BAZ2B: variants seen among roughly 807,000 people sequenced by gnomAD.
BAZ2B encodes bromodomain adjacent to zinc finger domain protein 2B.
Under a neutral mutation model 246.0 loss-of-function variants are expected in BAZ2B, and 91 were observed. The ratio of observed to expected loss-of-function variants is 0.37; its 90% CI spans 0.31 to 0.44. The LOEUF (loss-of-function observed/expected upper bound fraction) is 0.44. Ranked by LOEUF, BAZ2B falls within the 20% of genes least tolerant of loss-of-function variation. The probability of loss-of-function intolerance (pLI) is 1.00; values close to 1 mark genes in which losing one functional copy is unlikely to be tolerated. For missense variants in BAZ2B, 2,332 were observed against 2,533.7 expected, an observed-to-expected ratio of 0.92 and a Z score of 1.71; for synonymous variants, 855 against 860.0, an observed-to-expected ratio of 0.99 and a Z score of 0.10.
At chr2:159,406,634 A>G (rs560573247) in intron 14 of BAZ2B, among the ~76,000 whole-genome samples, 2 of 152,364 alleles carry the variant, frequency 1.3e-5, no homozygotes, top group South Asian at 4.1e-4. Flanking sequence ...GCCACTGAAC[A>G]AAGAAACCTA....
intron 1 of BAZ2B, among the ~76,000 whole-genome samples, chr2:159,573,010 G>C (rs1216386608): frequency 1.3e-5 from 2 of 152,128 alleles, no homozygotes; most frequent in Non-Finnish European, 2.9e-5. Flanking sequence ...GAAATATTAT[G>C]AGGGCAAAAT....
chr2:159,416,236 A>T (rs1039016562), intron 13 of BAZ2B, among the ~76,000 whole-genome samples: 1 of 152,240 alleles, frequency 6.6e-6, no homozygotes, highest in Non-Finnish European at 1.5e-5. Flanking sequence ...TCTTAAAGAT[A>T]ATTTTAAAAA....
Position 159,342,100 on chromosome 2 carries a change from C to A in BAZ2B, c.5455-4328G>T, listed in dbSNP as rs529698063. ...GTTACTTTTCCTAACAATAAAATACCTAGGAATGCAGCCAACCAGGGAGGT... is the reference window on the plus strand; with the variant it reads ...GTTACTTTTCCTAACAATAAAATACATAGGAATGCAGCCAACCAGGGAGGT... On this transcript the variant is annotated intron_variant, in intron 31 of 36. Coordinates refer to ENST00000392783, the MANE Select transcript of BAZ2B (RefSeq NM_013450.4). 4.6e-5 allele frequency among the ~76,000 whole-genome samples: 7 copies of A among 152,082 alleles called. No homozygotes were observed. In the South Asian group the frequency reaches 1.5e-3, roughly 32 times the overall value.
chr2:159,583,623 G>GTCTAGATGC (rs1046885514), intron 1 of BAZ2B, among the ~76,000 whole-genome samples: 12 of 152,094 alleles, frequency 7.9e-5, no homozygotes, highest in African/African-American at 2.7e-4. Flanking sequence ...ACCAGATATT[G>GTCTAGATGC]TCTAGATGCT....
intron 13 of BAZ2B, among the ~76,000 whole-genome samples, chr2:159,420,796 A>G (rs2068609435): frequency 6.6e-6 from 1 of 152,220 alleles, no homozygotes; most frequent in African/African-American, 2.4e-5. Flanking sequence ...TCTGACAATC[A>G]AACACAAAGT....
At position 159,543,849 on chromosome 2, in the gene BAZ2B, TCAAA is replaced by T. The variant is rs1222960689; in HGVS notation, c.-3+11970_-3+11973del. The stretch of plus-strand genomic sequence containing the variant: ...GCGCCTGGCCAACAATTCTTTCATA[TCAAA>T]CACTCAGTCGATGTACACATTTCTT... On this transcript the variant is annotated intron_variant, in intron 2 of 36. Coordinates refer to ENST00000392783, the MANE Select transcript of BAZ2B (RefSeq NM_013450.4). Among the ~76,000 whole-genome samples, 7 of 152,358 alleles carry T rather than the reference TCAAA, an allele frequency of 4.6e-5. No individual in the cohort carries two copies. In the East Asian group the frequency reaches 1.3e-3, roughly 29 times the overall value.
chr2:159,711,706 C>A, the BAZ2B span, among the ~76,000 whole-genome samples: 1 of 152,148 alleles, frequency 6.6e-6, no homozygotes, highest in Non-Finnish European at 1.5e-5. Context: ...TAACCTACTC[C>A]CTTTTATTTA....
chr2:159,595,601 A>C (rs1690507844), intron 1 of BAZ2B, among the ~76,000 whole-genome samples: 1 of 152,252 alleles, frequency 6.6e-6, no homozygotes. Context: ...TCTGTAAAAC[A>C]GAAATTAGTC....
chr2:159,574,096 C>T (rs1038107865), intron 1 of BAZ2B, among the ~76,000 whole-genome samples: 9 of 150,728 alleles, frequency 6.0e-5, no homozygotes, highest in Non-Finnish European at 1.2e-4. Flanking sequence ...GAGACCCAGA[C>T]CCTGACAGAT....
intron 2 of BAZ2B, among the ~76,000 whole-genome samples, chr2:159,532,349 G>T (rs139473746): frequency 6.6e-6 from 1 of 151,884 alleles, no homozygotes; most frequent in Admixed American, 6.6e-5. Flanking sequence ...TATAATATCC[G>T]TACAAATGAA....
At position 159,453,785 on chromosome 2, in the gene BAZ2B, T is replaced by C; in HGVS notation, c.162A>G (p.Thr54=). 1 of 1,603,108 alleles carries C rather than the reference T, an allele frequency of 6.2e-7. No homozygotes were observed. The highest frequency in any genetic ancestry group is 8.5e-7 in the Non-Finnish European group (1 of 1,174,546). ...ACAGGTTAAACGGTTGATCCCCAGC[T>C]GTTCTGAATAAATGTCCTGGGAGGG... is the stretch of plus-strand genomic sequence containing the variant. ...TINPCGHLFR[T]AGDQPFNLST... Residue 54 remains threonine (T), a synonymous_variant, in exon 4 of 37, where the codon ACA becomes ACG. Coordinates refer to ENST00000392783, the MANE Select transcript of BAZ2B (RefSeq NM_013450.4).
intron 2 of BAZ2B, among the ~76,000 whole-genome samples, chr2:159,554,737 G>T (rs986415082): frequency 6.6e-5 from 10 of 151,982 alleles, no homozygotes; most frequent in South Asian, 2.1e-4. Context: ...TAATTTGGTA[G>T]AAATTTATTT....
chr2:159,600,020 C>T (rs1263321346), intron 1 of BAZ2B, among the ~76,000 whole-genome samples: 3 of 151,572 alleles, frequency 2.0e-5, no homozygotes, highest in Admixed American at 1.3e-4. Flanking sequence ...GGTAAAATCT[C>T]GTAGAATGTC....
At chr2:159,335,168 G>A (rs1186851094) in intron 33 of BAZ2B, among the ~76,000 whole-genome samples, 2 of 152,076 alleles carry the variant, frequency 1.3e-5, no homozygotes, top group Non-Finnish European at 2.9e-5. Context: ...ATTCAAGCTG[G>A]TTTTAATAAT....
At chr2:159,545,869 G>A (rs201001665) in intron 2 of BAZ2B, among the ~76,000 whole-genome samples, 2 of 152,042 alleles carry the variant, frequency 1.3e-5, no homozygotes, top group Admixed American at 6.6e-5. Context: ...ACCCTCCACC[G>A]ACTGACTTAT....
chr2:159,483,075 G>A (rs953783388), intron 2 of BAZ2B, among the ~76,000 whole-genome samples: 2 of 151,828 alleles, frequency 1.3e-5, no homozygotes, highest in African/African-American at 4.8e-5. Flanking sequence ...AGATATCACA[G>A]GATCACAACA....
intron 10 of BAZ2B, 78 bp downstream of exon 10, chr2:159,430,785 C>A: frequency 6.5e-7 from 1 of 1,530,498 alleles, no homozygotes; most frequent in South Asian, 1.3e-5. Context: ...GAGATCATCT[C>A]CAGAACACTC....
chr2:159,417,163 GT>G (rs748518181), intron 13 of BAZ2B, among the ~76,000 whole-genome samples: 43 of 141,828 alleles, frequency 3.0e-4, no homozygotes, highest in Middle Eastern at 3.8e-3. Flanking sequence ...AAAAGATTAG[GT>G]TTTTTTTTTT....
At chr2:159,501,175 T>A (rs1290916306) in intron 2 of BAZ2B, among the ~76,000 whole-genome samples, 9 of 85,156 alleles carry the variant, frequency 1.1e-4, no homozygotes, top group African/African-American at 2.6e-4. Flanking sequence ...TAATATATAT[T>A]ATATATATTT....
Sources: gnomAD v4.1 joint callset for allele counts (sites outside exome capture counted in the v4.1 genomes callset) on GRCh38, gnomAD v4.1.1 for gene constraint, MANE v1.5 for transcripts, NCBI Gene and HGNC (gene_info 2026-07-23, HGNC 2026-07-21) for gene names.